The following ABCC9 variants were observed in gnomAD, a reference collection of about 807,000 sequenced individuals.
ABCC9 encodes the protein ATP binding cassette subfamily C member 9, also known as ATP-binding cassette sub-family C member 9.
ABCC9 carries 95 observed loss-of-function variants against 188.3 expected under a neutral mutation model. That is an observed-to-expected ratio of 0.50 (90% CI 0.43 to 0.60). The LOEUF (loss-of-function observed/expected upper bound fraction) is 0.60. Among genes scored for constraint, ABCC9 ranks in the 20% least tolerant of loss-of-function variants. The pLI is 0.00. For missense variants in ABCC9, 1,102 were observed against 1,876.3 expected (o/e 0.59, Z 7.62); for synonymous variants, 659 against 652.7 (o/e 1.01, Z -0.15).
intron 37 of ABCC9, among the ~76,000 whole-genome samples, chr12:21,808,049 T>C (rs537447394): frequency 9.3e-5 from 14 of 151,302 alleles, no homozygotes; most frequent in Admixed American, 7.3e-4. Flanking sequence ...TATCCTTTTC[T>C]TTTTTTTTGG....
Position 21,832,862 on chromosome 12 carries a change from G to GA in ABCC9, c.3567-3803_3567-3802insT, listed in dbSNP as rs531810051. Among the ~76,000 whole-genome samples, 6 of 152,228 alleles carry GA rather than the reference G, an allele frequency of 3.9e-5. No homozygotes were observed. The South Asian group carries it at 1.2e-3, about 32-fold the overall frequency. ...GCACAAGTTGCAACTGCAAAAATATGGAACCAGCCTAAATGCCCATTAACC... is the reference window on the plus strand; with the variant it reads ...GCACAAGTTGCAACTGCAAAAATATGAGAACCAGCCTAAATGCCCATTAACC... On this transcript the variant is annotated intron_variant, in intron 30 of 39. Transcript: ENST00000261200.
intron 15 of ABCC9, among the ~76,000 whole-genome samples, chr12:21,885,010 A>G (rs1323068449): frequency 1.3e-5 from 2 of 152,148 alleles, no homozygotes; most frequent in Admixed American, 6.5e-5. Context: ...TCCAAAAGAA[A>G]TGACTTCATG....
At chr12:21,916,596 G>C (rs1337202144) in intron 6 of ABCC9, among the ~76,000 whole-genome samples, 1 of 152,158 alleles carries the variant, frequency 6.6e-6, no homozygotes, top group Non-Finnish European at 1.5e-5. Context: ...TGAGAATGCA[G>C]TATTTTGCTT....
At chr12:21,859,909 CTG>C (rs763286906) in intron 21 of ABCC9, among the ~76,000 whole-genome samples, 5 of 152,148 alleles carry the variant, frequency 3.3e-5, no homozygotes, top group Non-Finnish European at 7.3e-5. Context: ...GAGATCTCTG[CTG>C]TACAGAAGCA....
intron 22 of ABCC9, among the ~76,000 whole-genome samples, chr12:21,853,298 C>G (rs954352259): frequency 6.6e-6 from 1 of 151,952 alleles, no homozygotes; most frequent in Admixed American, 6.6e-5. Flanking sequence ...CCACTGCACT[C>G]CAGCCTGGTG....
At chr12:21,894,252 CAT>C in intron 13 of ABCC9, 78 bp from the exon 14 acceptor site, 1 of 1,494,182 alleles carries the variant, frequency 6.7e-7, no homozygotes, top group Non-Finnish European at 9.3e-7. Flanking sequence ...AGAAACCTAA[CAT>C]ATTCTGCTAT....
In ABCC9 at chr12:21,881,782, A is replaced by G. The variant is rs145222328; in HGVS notation, c.2019+984T>C. Among the ~76,000 whole-genome samples, 877 of 152,224 alleles carry G rather than the reference A, an allele frequency of 5.8e-3. 9 individuals carry two copies. The highest frequency in any genetic ancestry group is 0.02 in the African/African-American group (830 of 41,524). On this transcript the variant is annotated intron_variant, in intron 16 of 39. Transcript: ENST00000261200. The stretch of plus-strand genomic sequence containing the variant: ...TTCTAATGCATAGCCAAAGTCAAGA[A>G]TCACTAGAGCTCTCTTTAAAATTCA...
intron 29 of ABCC9, among the ~76,000 whole-genome samples, chr12:21,838,703 T>A (rs1392496027): frequency 6.6e-6 from 1 of 151,938 alleles, no homozygotes; most frequent in Non-Finnish European, 1.5e-5. Flanking sequence ...TGTAGAAACA[T>A]CCTTAATGGG....
intron 36 of ABCC9, among the ~76,000 whole-genome samples, chr12:21,810,180 T>A (rs938937288): frequency 3.3e-5 from 5 of 152,228 alleles, no homozygotes; most frequent in Non-Finnish European, 7.3e-5. Flanking sequence ...GATATCATTA[T>A]AAAACTTTGT....
At chr12:21,930,231 G>A (rs1265760137) in intron 4 of ABCC9, among the ~76,000 whole-genome samples, 6 of 152,016 alleles carry the variant, frequency 3.9e-5, no homozygotes, top group Non-Finnish European at 8.8e-5. Context: ...ATAAGTGACA[G>A]AAAGTTTTGA....
At chr12:21,847,311 A>G (rs1406464024) in intron 25 of ABCC9, among the ~76,000 whole-genome samples, 1 of 152,160 alleles carries the variant, frequency 6.6e-6, no homozygotes, top group Non-Finnish European at 1.5e-5. Flanking sequence ...CAGCACCAAA[A>G]ATTCTTTAAG....
At chr12:21,911,581 T>C (rs1188775426) in intron 8 of ABCC9, among the ~76,000 whole-genome samples, 4 of 151,994 alleles carry the variant, frequency 2.6e-5, no homozygotes, top group African/African-American at 9.7e-5. Flanking sequence ...GATTTTTGTT[T>C]GTAACAATAG....
chr12:21,940,254 A>T (rs1473867599), intron 2 of ABCC9, among the ~76,000 whole-genome samples: 1 of 152,250 alleles, frequency 6.6e-6, no homozygotes, highest in East Asian at 1.9e-4. Flanking sequence ...AAAAGTTTTC[A>T]TTCTTACATA....
chr12:21,847,405 A>G (rs1944730351), intron 25 of ABCC9, among the ~76,000 whole-genome samples: 1 of 152,242 alleles, frequency 6.6e-6, no homozygotes, highest in African/African-American at 2.4e-5. Flanking sequence ...GTTGAAATAC[A>G]GAAATATAAA....
At chr12:21,843,897 G>T (rs1260271477) in intron 28 of ABCC9, among the ~76,000 whole-genome samples, 1 of 152,182 alleles carries the variant, frequency 6.6e-6, no homozygotes, top group Non-Finnish European at 1.5e-5. Flanking sequence ...ACAAGGGCTG[G>T]ATATGATGAA....
At chr12:21,859,806 A>G in intron 21 of ABCC9, 140 bp from the exon 22 acceptor site, 1 of 787,546 alleles carries the variant, frequency 1.3e-6, no homozygotes, top group Non-Finnish European at 2.2e-6. Flanking sequence ...TAACATTGGT[A>G]AGAAAACATG....
At chr12:21,928,942 C>A (rs917367100) in intron 4 of ABCC9, among the ~76,000 whole-genome samples, 15 of 151,888 alleles carry the variant, frequency 9.9e-5, no homozygotes, top group African/African-American at 3.1e-4. Context: ...CGCTTATGTC[C>A]CATTACAGCA....
chr12:21,864,619 A>G, intron 18 of ABCC9, 142 bp from the exon 19 acceptor site: 1 of 659,616 alleles, frequency 1.5e-6, no homozygotes, highest in South Asian at 1.8e-5. Flanking sequence ...TTAATTTCAA[A>G]GACAAACCAG....
intron 31 of ABCC9, among the ~76,000 whole-genome samples, chr12:21,822,537 T>C (rs528483136): frequency 1.3e-5 from 2 of 152,212 alleles, no homozygotes; most frequent in South Asian, 4.1e-4. Flanking sequence ...CAGTGGCTCA[T>C]TCCTGTAATC....
Sources: gnomAD v4.1 joint callset for allele counts (sites outside exome capture counted in the v4.1 genomes callset) on GRCh38, gnomAD v4.1.1 for gene constraint, MANE v1.5 for transcripts, NCBI Gene and HGNC (gene_info 2026-07-23, HGNC 2026-07-21) for gene names.